Variants in SLC14A2 observed in about 807,000 individuals in gnomAD.
The protein encoded by SLC14A2 is urea transporter 2.
Under a neutral mutation model 104.6 loss-of-function variants are expected in SLC14A2, and 91 were observed. The observed-to-expected ratio is 0.87, with a 90% CI of 0.73 to 1.04. SLC14A2 has a LOEUF of 1.04. Ranked by LOEUF, SLC14A2 falls within the 50% of genes least tolerant of loss-of-function variation. SLC14A2 has a pLI of 0.00. For missense variants in SLC14A2, 1,189 were observed against 1,156.0 expected (o/e 1.03, Z -0.41); for synonymous variants, 476 against 466.4 (o/e 1.02, Z -0.27).
chr18:45,306,655 C>T (rs1375288735), intron 1 of SLC14A2, among the ~76,000 whole-genome samples: 1 of 152,186 alleles, frequency 6.6e-6, no homozygotes, highest in Non-Finnish European at 1.5e-5. Flanking sequence ...AGTCTGCCAA[C>T]TGCAGCTTGA....
intron 1 of SLC14A2, among the ~76,000 whole-genome samples, chr18:45,381,296 A>G (rs907375664): frequency 6.6e-6 from 1 of 152,248 alleles, no homozygotes; most frequent in Non-Finnish European, 1.5e-5. Context: ...TGGTTAATAA[A>G]TAATTACAGA....
rs774342564 is a variant in SLC14A2 at position 45,668,330 on chromosome 18, A to C, written c.1908-19A>C. Reference sequence around the variant, plus strand: ...CCTGGGGAAGCCCCTGCTCCACCTGACCCTCCCTCTCCTGCCAGGTCGGCC... The same window carrying C: ...CCTGGGGAAGCCCCTGCTCCACCTGCCCCTCCCTCTCCTGCCAGGTCGGCC... On this transcript the variant is annotated intron_variant, in intron 14 of 19. Transcript: ENST00000255226. 11 of 1,613,118 alleles carry C rather than the reference A, an allele frequency of 6.8e-6. No individual in the cohort carries two copies. The Admixed American group carries it at 1.3e-4, about 20-fold the overall frequency.
intron 1 of SLC14A2, among the ~76,000 whole-genome samples, chr18:45,422,080 A>G (rs1397008736): frequency 6.6e-6 from 1 of 152,172 alleles, no homozygotes; most frequent in Non-Finnish European, 1.5e-5. Context: ...TCTCTCAGAG[A>G]AGGTAGGGCC....
upstream of SLC14A2, among the ~76,000 whole-genome samples, chr18:45,209,258 G>A (rs2083941971): frequency 6.6e-6 from 1 of 151,372 alleles, no homozygotes; most frequent in Non-Finnish European, 1.5e-5. Flanking sequence ...CAGCAGAATG[G>A]CATGAACCCG....
intron 1 of SLC14A2, among the ~76,000 whole-genome samples, chr18:45,333,349 C>T (rs2085307931): frequency 6.6e-6 from 1 of 152,100 alleles, no homozygotes; most frequent in Non-Finnish European, 1.5e-5. Context: ...AAGAGTAAAT[C>T]TGTAGGAGTT....
At chr18:45,558,540 A>G (rs71356499) in intron 2 of SLC14A2, among the ~76,000 whole-genome samples, 12,284 of 152,208 alleles carry the variant, frequency 0.081, 522 homozygotes, top group East Asian at 0.13. Context: ...CAGAGAAGAA[A>G]CCACAAAAGC....
At position 45,667,112 on chromosome 18, in the gene SLC14A2, C is replaced by G. The variant is rs780895559; in HGVS notation, c.1717+18C>G. ...ACTTAAAGGTAAAATTCTATGAGAACAACACTGACCCTGACCCTAAAAACT... is the reference window on the plus strand; with the variant it reads ...ACTTAAAGGTAAAATTCTATGAGAAGAACACTGACCCTGACCCTAAAAACT... On this transcript the variant is annotated intron_variant, in intron 13 of 19. Transcript: ENST00000255226. 4 of 1,604,996 alleles carry G rather than the reference C, an allele frequency of 2.5e-6. No individual in the cohort carries two copies. The East Asian group carries it at 8.9e-5, about 36-fold the overall frequency.
chr18:45,491,102 A>G (rs1180511839), intron 2 of SLC14A2, among the ~76,000 whole-genome samples: 1 of 152,252 alleles, frequency 6.6e-6, no homozygotes, highest in African/African-American at 2.4e-5. Context: ...TTTTATGTCT[A>G]AATATAATCC....
chr18:45,532,114 T>C (rs923201771), intron 2 of SLC14A2, among the ~76,000 whole-genome samples: 4 of 152,218 alleles, frequency 2.6e-5, no homozygotes, highest in Non-Finnish European at 1.5e-5. Flanking sequence ...CTTTGTAGTA[T>C]AGTTTGAAGT....
intron 1 of SLC14A2, among the ~76,000 whole-genome samples, chr18:45,225,184 G>T (rs934009706): frequency 2.6e-5 from 4 of 152,090 alleles, no homozygotes; most frequent in Non-Finnish European, 5.9e-5. Flanking sequence ...TGTAAGGAAG[G>T]GATCCAGTTT....
chr18:45,368,602 A>G (rs2144346990), intron 1 of SLC14A2, among the ~76,000 whole-genome samples: 1 of 152,352 alleles, frequency 6.6e-6, no homozygotes, highest in East Asian at 1.9e-4. Flanking sequence ...CTGTTTAACA[A>G]TCCATGAAAC....
At chr18:45,183,709 C>CTCTTTCTTTTCTTTCTCTCTT in the SLC14A2 span, among the ~76,000 whole-genome samples, 1 of 149,968 alleles carries the variant, frequency 6.7e-6, no homozygotes, top group Non-Finnish European at 1.5e-5. Context: ...CTCTCCTTCT[C>CTCTTTCTTTTCTTTCTCTCTT]TCTTTCTTTT....
At chr18:45,407,021 A>G (rs536176703) in intron 1 of SLC14A2, among the ~76,000 whole-genome samples, 1 of 152,312 alleles carries the variant, frequency 6.6e-6, no homozygotes, top group South Asian at 2.1e-4. Flanking sequence ...GAAATTCATC[A>G]GCTGCATTAG....
chr18:45,299,981 T>C (rs1008407295), intron 1 of SLC14A2, among the ~76,000 whole-genome samples: 1 of 152,096 alleles, frequency 6.6e-6, no homozygotes, highest in African/African-American at 2.4e-5. Context: ...TGGCTGGTAA[T>C]TAGGTTTGTG....
intron 1 of SLC14A2, among the ~76,000 whole-genome samples, chr18:45,274,956 G>A (rs1488483823): frequency 1.3e-5 from 2 of 152,198 alleles, no homozygotes; most frequent in East Asian, 3.8e-4. Context: ...CCAGGGAGAA[G>A]CTGTAGAGAT....
upstream of SLC14A2, among the ~76,000 whole-genome samples, chr18:45,613,743 G>A (rs771855443): frequency 5.3e-5 from 8 of 152,228 alleles, no homozygotes; most frequent in Non-Finnish European, 7.3e-5. Context: ...TTTCTAAGCA[G>A]CAAAGCATTC....
intron 2 of SLC14A2, among the ~76,000 whole-genome samples, chr18:45,608,395 C>T (rs1568296735): frequency 6.6e-6 from 1 of 152,190 alleles, no homozygotes; most frequent in Non-Finnish European, 1.5e-5. Context: ...CAGTTCTCAC[C>T]ATCCCTGCCT....
At chr18:45,314,559 C>T (rs910893225) in intron 1 of SLC14A2, among the ~76,000 whole-genome samples, 5 of 152,150 alleles carry the variant, frequency 3.3e-5, no homozygotes, top group Admixed American at 3.3e-4. Context: ...GGATATGACC[C>T]TATGTCTGTT....
At chr18:45,588,703 C>G (rs2044603832) in intron 2 of SLC14A2, among the ~76,000 whole-genome samples, 1 of 152,202 alleles carries the variant, frequency 6.6e-6, no homozygotes, top group Admixed American at 6.5e-5. Flanking sequence ...ATTTTGTGAC[C>G]TTTCCCAGTT....
Sources: gnomAD v4.1 joint callset for allele counts (sites outside exome capture counted in the v4.1 genomes callset) on GRCh38, gnomAD v4.1.1 for gene constraint, MANE v1.5 for transcripts, NCBI Gene and HGNC (gene_info 2026-07-23, HGNC 2026-07-21) for gene names.